The following JMJD1C variants were observed in gnomAD, a reference collection of about 807,000 sequenced individuals.
JMJD1C encodes the protein jumonji domain-containing protein 1C.
In JMJD1C, 31 loss-of-function variants were observed where a neutral mutation model predicts 245.3. That is an observed-to-expected ratio of 0.13 (90% CI 0.09 to 0.17). The LOEUF (loss-of-function observed/expected upper bound fraction) is 0.17. Ranked by LOEUF, JMJD1C falls within the 10% of genes least tolerant of loss-of-function variation. The pLI is 1.00. For missense variants in JMJD1C, 2,691 were observed against 3,000.2 expected (o/e 0.90, Z 2.41); for synonymous variants, 1,057 against 1,017.4 (o/e 1.04, Z -0.74).
At chr10:63,488,391 C>A (rs1175673919) in intron 1 of JMJD1C, among the ~76,000 whole-genome samples, 1 of 151,904 alleles carries the variant, frequency 6.6e-6, no homozygotes, top group Non-Finnish European at 1.5e-5. Context: ...TAGATTAAGA[C>A]CAGTGTGGGA....
chr10:63,246,186 T>C (rs551413151), intron 3 of JMJD1C, among the ~76,000 whole-genome samples: 1 of 152,040 alleles, frequency 6.6e-6, no homozygotes, highest in Admixed American at 6.6e-5. Context: ...TTTTCAAAAC[T>C]TGAGAAGGAG....
intron 2 of JMJD1C, among the ~76,000 whole-genome samples, chr10:63,311,208 TAAA>T (rs35736800): frequency 1.6e-5 from 2 of 128,770 alleles, no homozygotes; most frequent in Admixed American, 8.0e-5. Flanking sequence ...CCGGCTCTAT[TAAA>T]AAAAAAAAAA....
chr10:63,466,918 A>C (rs1385067163), upstream of JMJD1C, among the ~76,000 whole-genome samples: 3 of 152,166 alleles, frequency 2.0e-5, no homozygotes, highest in African/African-American at 4.8e-5. Flanking sequence ...GTCAGTGAGC[A>C]GTTCGATTTC....
intron 3 of JMJD1C, among the ~76,000 whole-genome samples, chr10:63,254,707 T>G (rs7475989): frequency 9.1e-4 from 27 of 29,518 alleles, no homozygotes; most frequent in Non-Finnish European, 1.9e-3. Flanking sequence ...GTTTTTTTTG[T>G]TTTTTGTTTT....
At chr10:63,469,203 C>T (rs553915311), upstream of JMJD1C, among the ~76,000 whole-genome samples, 31 of 152,302 alleles carry the variant, frequency 2.0e-4, no homozygotes, top group South Asian at 4.1e-4. Context: ...TTAAATATCA[C>T]AGATATTATC....
At chr10:63,216,524 C>T (rs1333424086) in intron 5 of JMJD1C, among the ~76,000 whole-genome samples, 2 of 152,016 alleles carry the variant, frequency 1.3e-5, no homozygotes, top group African/African-American at 4.8e-5. Flanking sequence ...TCCTGGCTAA[C>T]ATGGCGAAAC....
In JMJD1C at chr10:63,421,314, A is replaced by G. The variant is rs891714052; in HGVS notation, c.169-40832T>C. ...GCCCCATTGCACTCCAGCCTGGGCAAGAAGAGTGAAACTCCGTCTCAAAAA... is the reference window on the plus strand; with the variant it reads ...GCCCCATTGCACTCCAGCCTGGGCAGGAAGAGTGAAACTCCGTCTCAAAAA... On this transcript the variant is annotated intron_variant, in intron 1 of 25. Coordinates refer to ENST00000399262, the MANE Select transcript of JMJD1C (RefSeq NM_032776.3). 3.2e-4 allele frequency among the ~76,000 whole-genome samples: 49 copies of G among 152,238 alleles called. 2 individuals are homozygous for G. The highest frequency in any genetic ancestry group is 2.6e-3 in the Admixed American group (39 of 15,290).
intron 17 of JMJD1C, among the ~76,000 whole-genome samples, chr10:63,190,691 C>G (rs1844692652): frequency 6.6e-6 from 1 of 152,106 alleles, no homozygotes; most frequent in Admixed American, 6.5e-5. Context: ...AAGAGCACCC[C>G]CCCTCCACCT....
intron 1 of JMJD1C, among the ~76,000 whole-genome samples, chr10:63,448,982 T>C (rs1291724411): frequency 6.6e-6 from 1 of 151,932 alleles, no homozygotes; most frequent in Non-Finnish European, 1.5e-5. Flanking sequence ...CCAGGTGCGG[T>C]GGCGTGTGCC....
chr10:63,420,066 G>A (rs1166712279), intron 1 of JMJD1C, among the ~76,000 whole-genome samples: 1 of 151,448 alleles, frequency 6.6e-6, no homozygotes, highest in Non-Finnish European at 1.5e-5. Flanking sequence ...AACCCGGGAG[G>A]CAGAAGCTGC....
At chr10:63,186,166 A>G in intron 19 of JMJD1C, 49 bp downstream of exon 19, 1 of 1,347,194 alleles carries the variant, frequency 7.4e-7, no homozygotes, top group Non-Finnish European at 1.0e-6. Context: ...GGAATTTATC[A>G]TTTTGAAGGA....
At chr10:63,361,719 TAAAAAAAAAAA>T (rs55879769) in intron 2 of JMJD1C, among the ~76,000 whole-genome samples, 2,810 of 95,638 alleles carry the variant, frequency 0.029, 72 homozygotes, top group African/African-American at 0.092. Flanking sequence ...CTGTCTCAAC[TAAAAAAAAAAA>T]AAAAAAAAAA....
At chr10:63,396,288 T>A (rs946766895) in intron 1 of JMJD1C, among the ~76,000 whole-genome samples, 2 of 152,140 alleles carry the variant, frequency 1.3e-5, no homozygotes, top group Non-Finnish European at 2.9e-5. Context: ...AGAGGCTATA[T>A]CCTAACACAC....
intron 3 of JMJD1C, among the ~76,000 whole-genome samples, chr10:63,225,149 G>T (rs1849109308): frequency 6.6e-6 from 1 of 152,032 alleles, no homozygotes. Flanking sequence ...CCTATATATA[G>T]TTCTTATCTT....
intron 3 of JMJD1C, among the ~76,000 whole-genome samples, chr10:63,251,652 A>C (rs1394659845): frequency 6.6e-6 from 1 of 152,228 alleles, no homozygotes; most frequent in Non-Finnish European, 1.5e-5. Context: ...AAGGAAAGAC[A>C]GATACTATAC....
intron 1 of JMJD1C, among the ~76,000 whole-genome samples, chr10:63,427,023 T>C: frequency 6.6e-6 from 1 of 152,208 alleles, no homozygotes; most frequent in Non-Finnish European, 1.5e-5. Flanking sequence ...ACATCCTCGT[T>C]AAAAATAAGT....
At chr10:63,274,158 C>T (rs749391608) in intron 2 of JMJD1C, among the ~76,000 whole-genome samples, 10 of 152,146 alleles carry the variant, frequency 6.6e-5, no homozygotes, top group Admixed American at 2.6e-4. Flanking sequence ...ACTGGCCTTA[C>T]AAGAAAGCTG....
intron 3 of JMJD1C, among the ~76,000 whole-genome samples, chr10:63,235,696 G>C (rs1850653108): frequency 1.3e-5 from 2 of 152,090 alleles, no homozygotes; most frequent in Non-Finnish European, 2.9e-5. Context: ...CAATACCTCT[G>C]CTATTTTGAT....
intron 2 of JMJD1C, among the ~76,000 whole-genome samples, chr10:63,337,759 T>TGAGCCAGA (rs996809702): frequency 3.3e-5 from 5 of 152,128 alleles, no homozygotes; most frequent in African/African-American, 1.2e-4. Flanking sequence ...AGCAAGCTGA[T>TGAGCCAGA]GAGCCAGAAG....
Sources: allele counts gnomAD v4.1 joint callset (sites outside exome capture counted in the v4.1 genomes callset), GRCh38; gene constraint gnomAD v4.1.1; transcripts MANE v1.5; gene names NCBI Gene and HGNC (gene_info 2026-07-23, HGNC 2026-07-21).